The following ENTREP2 variants were observed in gnomAD, a reference collection of about 807,000 sequenced individuals.
ENTREP2 encodes protein ENTREP2.
At chr15:29,648,523 C>G in the ENTREP2 span, among the ~76,000 whole-genome samples, 1 of 152,186 alleles carries the variant, frequency 6.6e-6, no homozygotes, top group Non-Finnish European at 1.5e-5. Context: ...TATAGTACAG[C>G]AAACATGAAG....
At chr15:29,125,751 G>A in the ENTREP2 span, among the ~76,000 whole-genome samples, 1 of 152,230 alleles carries the variant, frequency 6.6e-6, no homozygotes, top group Non-Finnish European at 1.5e-5. Context: ...CTGCGCTGCT[G>A]GCCACAGGGA....
chr15:29,613,363 G>A, the ENTREP2 span: 1 of 348,168 alleles, frequency 2.9e-6, no homozygotes, highest in Middle Eastern at 5.8e-4. Flanking sequence ...TGAGCTGGTT[G>A]ATTCATTCCT....
the ENTREP2 span, among the ~76,000 whole-genome samples, chr15:29,255,683 T>C: frequency 2.0e-5 from 3 of 151,986 alleles, no homozygotes; most frequent in Admixed American, 6.6e-5. Context: ...ATATACACCA[T>C]GGAATACTAC....
chr15:29,437,162 A>G, the ENTREP2 span, among the ~76,000 whole-genome samples: 1 of 152,234 alleles, frequency 6.6e-6, no homozygotes, highest in Non-Finnish European at 1.5e-5. Context: ...GCCAGGGAAG[A>G]ATCAGGTCAT....
the ENTREP2 span, among the ~76,000 whole-genome samples, chr15:29,458,843 T>C: frequency 6.6e-6 from 1 of 152,200 alleles, no homozygotes; most frequent in Admixed American, 6.5e-5. Context: ...CTTTCCTTAA[T>C]GGGGTAGTAT....
chr15:29,329,007 T>A, the ENTREP2 span, among the ~76,000 whole-genome samples: 1 of 152,242 alleles, frequency 6.6e-6, no homozygotes, highest in Middle Eastern at 3.4e-3. Flanking sequence ...TATACATACA[T>A]ACCTTTGATA....
At chr15:29,569,313 G>A in the ENTREP2 span, among the ~76,000 whole-genome samples, 37 of 152,326 alleles carry the variant, frequency 2.4e-4, no homozygotes, top group Non-Finnish European at 4.6e-4. Context: ...CGATCGAGGT[G>A]TTCCAGAGGC....
At chr15:29,587,298 T>G in the ENTREP2 span, among the ~76,000 whole-genome samples, 76,711 of 151,450 alleles carry the variant, frequency 0.51, 21,759 homozygotes, top group Non-Finnish European at 0.65. Context: ...CATTTCTCAA[T>G]AAGAGAAATG....
the ENTREP2 span, among the ~76,000 whole-genome samples, chr15:29,301,886 G>A: frequency 6.6e-6 from 1 of 152,156 alleles, no homozygotes; most frequent in Non-Finnish European, 1.5e-5. Flanking sequence ...AGCAGAAGGT[G>A]AGCCCTTGCC....
chr15:29,322,298 T>C, the ENTREP2 span, among the ~76,000 whole-genome samples: 1 of 152,202 alleles, frequency 6.6e-6, no homozygotes, highest in African/African-American at 2.4e-5. Context: ...AAATATATTC[T>C]ATTGGCAATT....
the ENTREP2 span, among the ~76,000 whole-genome samples, chr15:29,249,153 T>G: frequency 6.6e-6 from 1 of 151,948 alleles, no homozygotes; most frequent in Admixed American, 6.6e-5. Flanking sequence ...TACTACAGTA[T>G]AAAAGTTAGC....
the ENTREP2 span, among the ~76,000 whole-genome samples, chr15:29,186,885 G>C: frequency 6.6e-6 from 1 of 152,184 alleles, no homozygotes; most frequent in Non-Finnish European, 1.5e-5. Flanking sequence ...GAAGGGTACA[G>C]GTCTTCAGCC....
At chr15:29,460,500 C>G in the ENTREP2 span, among the ~76,000 whole-genome samples, 20 of 151,802 alleles carry the variant, frequency 1.3e-4, no homozygotes, top group African/African-American at 4.6e-4. Context: ...GGCACGGTGG[C>G]GCGTGCCTGT....
the ENTREP2 span, among the ~76,000 whole-genome samples, chr15:29,616,064 T>C: frequency 6.6e-6 from 1 of 152,240 alleles, no homozygotes; most frequent in Non-Finnish European, 1.5e-5. Flanking sequence ...ACAGTGTCTG[T>C]TGGAGGATCA....
the ENTREP2 span, among the ~76,000 whole-genome samples, chr15:29,370,765 A>G: frequency 1.3e-5 from 2 of 152,112 alleles, no homozygotes; most frequent in Non-Finnish European, 2.9e-5. Flanking sequence ...ACGGGCCTAG[A>G]GTGTGAGAGC....
the ENTREP2 span, chr15:29,269,367 C>T: frequency 3.7e-6 from 6 of 1,614,194 alleles, no homozygotes; most frequent in Non-Finnish European, 5.1e-6. Flanking sequence ...CGATGACGTG[C>T]TTCAGTATGT....
the ENTREP2 span, among the ~76,000 whole-genome samples, chr15:29,161,321 C>G: frequency 6.6e-6 from 1 of 152,304 alleles, no homozygotes; most frequent in Middle Eastern, 3.4e-3. Context: ...TAACGCAGCT[C>G]ACCACACATG....
chr15:29,478,017 A>ATTTTTTTTT, the ENTREP2 span, among the ~76,000 whole-genome samples: 2 of 56,964 alleles, frequency 3.5e-5, no homozygotes, highest in African/African-American at 1.0e-4. Flanking sequence ...ATATATATAT[A>ATTTTTTTTT]TATTTTTTTT....
chr15:29,491,240 C>T, the ENTREP2 span, among the ~76,000 whole-genome samples: 5 of 152,106 alleles, frequency 3.3e-5, no homozygotes, highest in South Asian at 6.2e-4. Flanking sequence ...GCCCTGGTTC[C>T]TGCCCGCACC....
Sources: gnomAD v4.1 joint callset for allele counts (sites outside exome capture counted in the v4.1 genomes callset) on GRCh38, gnomAD v4.1.1 for gene constraint, MANE v1.5 for transcripts, NCBI Gene and HGNC (gene_info 2026-07-23, HGNC 2026-07-21) for gene names.